Variants in LANCL1 observed in about 807,000 individuals in gnomAD.
LANCL1 encodes the protein glutathione S-transferase LANCL1.
In LANCL1, 50 loss-of-function variants were observed where a neutral mutation model predicts 50.6. The ratio of observed to expected loss-of-function variants is 0.99; its 90% CI spans 0.79 to 1.25. The LOEUF (loss-of-function observed/expected upper bound fraction) is 1.25. LANCL1 is among the 50% of genes most tolerant of loss of function. The probability of loss-of-function intolerance (pLI) is 0.00; values close to 1 mark genes in which losing one functional copy is unlikely to be tolerated. For missense variants in LANCL1, 532 were observed against 480.7 expected, an observed-to-expected ratio of 1.11 and a Z score of -1.00; for synonymous variants, 188 against 178.6, an observed-to-expected ratio of 1.05 and a Z score of -0.42.
At chr2:210,471,839 T>C (rs1369701078) in intron 3 of LANCL1, 120 bp downstream of exon 3, 1 of 781,712 alleles carries the variant, frequency 1.3e-6, no homozygotes, top group Non-Finnish European at 2.3e-6. Flanking sequence ...CCAGAAGCAA[T>C]TACTCATATG....
intron 4 of LANCL1, among the ~76,000 whole-genome samples, chr2:210,446,010 G>A (rs1183408354): frequency 2.6e-5 from 4 of 152,196 alleles, no homozygotes; most frequent in African/African-American, 7.2e-5. Context: ...AGCACCTGGG[G>A]GAAGGGGTGG....
At position 210,455,315 on chromosome 2, in the gene LANCL1, CTG is replaced by C; in HGVS notation, c.200-3_200-2del. ...AGATGTAAGTAAAGCACAGCAATACCTGAAAAAAAAAAAAGGAAACAATGTAA... is the reference window on the plus strand; with the variant it reads ...AGATGTAAGTAAAGCACAGCAATACCAAAAAAAAAAAAGGAAACAATGTAA... On this transcript the variant is annotated splice_acceptor_variant and splice_polypyrimidine_tract_variant and intron_variant, in intron 3 of 9. Coordinates refer to ENST00000450366, the MANE Select transcript of LANCL1 (RefSeq NM_006055.3). LOFTEE classifies it high-confidence loss of function. The C allele has an allele frequency of 4.2e-6, 5 of 1,181,858 alleles. No homozygotes were observed. The Admixed American group carries it at 1.3e-4, about 32-fold the overall frequency. The allele number at this position is 1,181,858 out of a possible 1,614,324, so 73.2% of individuals were successfully genotyped here. A position where few individuals can be genotyped will look rare whatever the true frequency, so the allele number is the denominator to read the frequency against.
In LANCL1 at chr2:210,432,773, C is replaced by CTGAT. The variant is rs1692790584; in HGVS notation, c.*1710_*1713dup. 1 of 152,132 alleles carries CTGAT rather than the reference C, an allele frequency of 6.6e-6. No individual in the cohort carries two copies. Among genetic ancestry groups the CTGAT allele is most frequent in the African/African-American group, 2.4e-5 (1 of 41,428 alleles). The allele number at this position is 152,132 out of a possible 1,614,324, so 9.4% of individuals were successfully genotyped here. On this transcript the variant is annotated 3_prime_UTR_variant, in exon 10 of 10. Coordinates refer to ENST00000450366, the MANE Select transcript of LANCL1 (RefSeq NM_006055.3). The stretch of plus-strand genomic sequence containing the variant: ...CTTCTTACTGTAAGTGCTGATATCG[C>CTGAT]TGATTGAAAACTTTCACAAGAAAGG...
intron 2 of LANCL1, among the ~76,000 whole-genome samples, chr2:210,473,283 G>A (rs1211586357): frequency 6.6e-6 from 1 of 152,166 alleles, no homozygotes; most frequent in East Asian, 1.9e-4. Context: ...CCTGAGGCAG[G>A]AGAATTCCTT....
At chr2:210,459,735 TAAAAAC>T (rs1257512964) in intron 3 of LANCL1, among the ~76,000 whole-genome samples, 1 of 122,176 alleles carries the variant, frequency 8.2e-6, no homozygotes, top group African/African-American at 2.9e-5. Flanking sequence ...TGATAACTAT[TAAAAAC>T]AAACAAACAA....
intron 3 of LANCL1, among the ~76,000 whole-genome samples, chr2:210,461,210 T>C (rs752345850): frequency 6.6e-6 from 1 of 152,102 alleles, no homozygotes; most frequent in African/African-American, 2.4e-5. Flanking sequence ...AACTCCACAA[T>C]TGCATTCATC....
intron 3 of LANCL1, among the ~76,000 whole-genome samples, chr2:210,459,210 A>T (rs953378841): frequency 6.6e-6 from 1 of 152,076 alleles, no homozygotes; most frequent in Non-Finnish European, 1.5e-5. Flanking sequence ...TAAATGTCAT[A>T]TTCGTAAGTA....
At chr2:210,436,440 T>C (rs1692937553) in intron 7 of LANCL1, 48 bp from the exon 8 acceptor site, 1 of 1,552,948 alleles carries the variant, frequency 6.4e-7, no homozygotes, top group African/African-American at 1.4e-5. Flanking sequence ...TAAAAGAAAG[T>C]TCCATTGATA....
chr2:210,455,294 G>C lies in LANCL1; in HGVS notation c.220C>G (p.His74Asp), dbSNP rs1398388394. 6.4e-7 allele frequency: 1 copy of C among 1,569,866 alleles called. No homozygotes were observed. Among genetic ancestry groups the C allele is most frequent in the African/African-American group, 1.4e-5 (1 of 69,174 alleles). The change falls in exon 4 of 10, where the codon CAT becomes GAT. Residue 74 changes from histidine (H) to aspartate (D), a missense_variant. Transcript: ENST00000450366. Reference protein sequence around the residue: ...GWAGIAVLYLHLYDVFGDPAY... With the variant: ...GWAGIAVLYLDLYDVFGDPAY... The stretch of plus-strand genomic sequence containing the variant: ...GGGTCCCCAAATACATCATAAAGAT[G>C]TAAGTAAAGCACAGCAATACCTGAA...
chr2:210,438,130 TTTC>T (rs1021968050), intron 6 of LANCL1, among the ~76,000 whole-genome samples: 7 of 150,334 alleles, frequency 4.7e-5, no homozygotes, highest in African/African-American at 1.7e-4. Flanking sequence ...ATGGTTTTTC[TTTC>T]TTTTTTTTTT....
intron 3 of LANCL1, among the ~76,000 whole-genome samples, chr2:210,463,234 A>C (rs377156852): frequency 7.1e-4 from 108 of 151,344 alleles, no homozygotes; most frequent in African/African-American, 2.4e-3. Context: ...TTTTTTGGAG[A>C]CAGTCTCCCT....
intron 3 of LANCL1, among the ~76,000 whole-genome samples, chr2:210,459,740 A>G (rs1456986399): frequency 7.9e-6 from 1 of 126,016 alleles, no homozygotes; most frequent in East Asian, 2.0e-4. Flanking sequence ...ACTATTAAAA[A>G]CAAACAAACA....
intron 3 of LANCL1, among the ~76,000 whole-genome samples, chr2:210,470,517 T>C (rs147494074): frequency 2.6e-5 from 4 of 152,308 alleles, no homozygotes; most frequent in African/African-American, 7.2e-5. Flanking sequence ...TATTGAAATA[T>C]TTGGCTTATA....
At chr2:210,471,341 A>T (rs1008261863) in intron 3 of LANCL1, among the ~76,000 whole-genome samples, 3 of 151,298 alleles carry the variant, frequency 2.0e-5, no homozygotes, top group African/African-American at 7.4e-5. Context: ...CACTGCGCCC[A>T]GCCTCTTCTT....
intron 3 of LANCL1, among the ~76,000 whole-genome samples, chr2:210,463,187 T>A (rs1222281171): frequency 6.6e-6 from 1 of 152,148 alleles, no homozygotes; most frequent in African/African-American, 2.4e-5. Context: ...AGGATATGAA[T>A]GGTATTCTGG....
At chr2:210,473,191 C>T (rs1216028724) in intron 2 of LANCL1, among the ~76,000 whole-genome samples, 1 of 152,140 alleles carries the variant, frequency 6.6e-6, no homozygotes, top group Non-Finnish European at 1.5e-5. Context: ...GTCTGACCAA[C>T]ATGGAGAAAC....
chr2:210,473,135 G>A (rs1050825049), intron 2 of LANCL1, among the ~76,000 whole-genome samples: 1 of 152,162 alleles, frequency 6.6e-6, no homozygotes, highest in Non-Finnish European at 1.5e-5. Flanking sequence ...TAGCATTTTG[G>A]GAGGCCGAGG....
At chr2:210,476,561 C>T in intron 1 of LANCL1, 59 bp downstream of exon 1, 1 of 1,391,574 alleles carries the variant, frequency 7.2e-7, no homozygotes, top group Non-Finnish European at 9.4e-7. Flanking sequence ...GGGCCCACTG[C>T]GGCCCAACTG....
intron 3 of LANCL1, among the ~76,000 whole-genome samples, chr2:210,459,524 G>A (rs1342904318): frequency 6.6e-6 from 1 of 152,064 alleles, no homozygotes; most frequent in Admixed American, 6.6e-5. Flanking sequence ...TCTTAGTCAT[G>A]CTAGCCACAT....
Sources: allele counts gnomAD v4.1 joint callset (sites outside exome capture counted in the v4.1 genomes callset), GRCh38; gene constraint gnomAD v4.1.1; transcripts MANE v1.5; gene names NCBI Gene and HGNC (gene_info 2026-07-23, HGNC 2026-07-21).